CAMTA1: variants seen among roughly 807,000 people sequenced by gnomAD.
The protein encoded by CAMTA1 is calmodulin-binding transcription activator 1.
CAMTA1 carries 27 observed loss-of-function variants against 170.9 expected under a neutral mutation model. That is an observed-to-expected ratio of 0.16 (90% CI 0.12 to 0.22). The LOEUF is 0.22. CAMTA1 is among the 10% of genes least tolerant of loss of function. The pLI is 1.00. For synonymous variants in CAMTA1, 833 were observed against 891.5 expected, an observed-to-expected ratio of 0.93 and a Z score of 1.17; for missense variants, 1,619 against 2,217.2, an observed-to-expected ratio of 0.73 and a Z score of 5.42.
intron 3 of CAMTA1, among the ~76,000 whole-genome samples, chr1:6,979,120 G>A (rs570912890): frequency 1.2e-4 from 19 of 152,324 alleles, no homozygotes; most frequent in African/African-American, 4.1e-4. Flanking sequence ...GACAGCAGGG[G>A]AAGGAAAACG....
At chr1:7,069,508 G>T (rs1222514206) in intron 3 of CAMTA1, among the ~76,000 whole-genome samples, 3 of 152,190 alleles carry the variant, frequency 2.0e-5, no homozygotes, top group Non-Finnish European at 2.9e-5. Flanking sequence ...ATAAACACAC[G>T]AATTGAGCCA....
At chr1:7,488,650 T>C (rs752470966) in intron 6 of CAMTA1, among the ~76,000 whole-genome samples, 29 of 152,198 alleles carry the variant, frequency 1.9e-4, no homozygotes, top group Non-Finnish European at 3.2e-4. Context: ...TATAAGCACA[T>C]ATGTGCACAC....
chr1:7,098,086 T>C (rs1642281282), intron 4 of CAMTA1, among the ~76,000 whole-genome samples: 1 of 146,878 alleles, frequency 6.8e-6, no homozygotes, highest in Non-Finnish European at 1.5e-5. Flanking sequence ...CAGGATTGGC[T>C]GGGGTGGACG....
At chr1:7,176,665 G>T (rs1650905184) in intron 4 of CAMTA1, among the ~76,000 whole-genome samples, 1 of 152,142 alleles carries the variant, frequency 6.6e-6, no homozygotes, top group East Asian at 1.9e-4. Flanking sequence ...AGCACTCACG[G>T]GTTTCTACTC....
At chr1:7,116,641 C>T (rs1289033236) in intron 4 of CAMTA1, among the ~76,000 whole-genome samples, 1 of 148,804 alleles carries the variant, frequency 6.7e-6, no homozygotes, top group Non-Finnish European at 1.5e-5. Flanking sequence ...ACTTAGTTTT[C>T]TTTTCTTTCT....
intron 2 of CAMTA1, among the ~76,000 whole-genome samples, chr1:6,821,874 A>G (rs1364954026): frequency 1.3e-5 from 2 of 152,114 alleles, no homozygotes; most frequent in African/African-American, 4.8e-5. Context: ...ATTTTTTTGC[A>G]TATTGGAAAG....
chr1:7,063,446 G>T lies in CAMTA1; in HGVS notation c.235-27858G>T, dbSNP rs988480326. On this transcript the variant is annotated intron_variant, in intron 3 of 22. Transcript: ENST00000303635. The surrounding 1 kb of genome is among the most constrained non-coding windows in gnomAD (Gnocchi z 4.3). The stretch of plus-strand genomic sequence containing the variant: ...GGCATCTCTGGAGAGAATGTTCCAC[G>T]GAGCACACCTCGGGAAACACTAGTT... 7.9e-5 allele frequency among the ~76,000 whole-genome samples: 12 copies of T among 152,162 alleles called. No individual in the cohort carries two copies. The highest frequency in any genetic ancestry group is 2.9e-4 in the African/African-American group (12 of 41,424).
chr1:7,223,204 C>T (rs1447833334), intron 4 of CAMTA1, among the ~76,000 whole-genome samples: 7 of 131,486 alleles, frequency 5.3e-5, no homozygotes, highest in Non-Finnish European at 1.1e-4. Context: ...TTCATTCATC[C>T]AGTGATGTAC....
chr1:6,807,779 C>T (rs922012344), intron 1 of CAMTA1, among the ~76,000 whole-genome samples: 2 of 151,620 alleles, frequency 1.3e-5, no homozygotes, highest in African/African-American at 4.8e-5. Flanking sequence ...TTTAGAACTG[C>T]TTTAGTGGTA....
chr1:7,111,671 G>A (rs921964138), intron 4 of CAMTA1, among the ~76,000 whole-genome samples: 3 of 152,108 alleles, frequency 2.0e-5, no homozygotes, highest in African/African-American at 7.2e-5. Flanking sequence ...AGATCACGAG[G>A]TCAGGAGATC....
chr1:7,088,990 C>T (rs902881702), intron 3 of CAMTA1, among the ~76,000 whole-genome samples: 31 of 152,294 alleles, frequency 2.0e-4, no homozygotes, highest in African/African-American at 6.7e-4. Context: ...GGCGTGGGCA[C>T]GTGGTGCTGT....
chr1:7,667,989 AGC>A (rs2096016305), intron 9 of CAMTA1, among the ~76,000 whole-genome samples: 2 of 152,278 alleles, frequency 1.3e-5, no homozygotes, highest in African/African-American at 4.8e-5. Flanking sequence ...TCCACACCAC[AGC>A]AGGGGTGCCC....
chr1:6,788,189 C>T (rs1268026821), intron 1 of CAMTA1, among the ~76,000 whole-genome samples: 2 of 137,366 alleles, frequency 1.5e-5, no homozygotes, highest in Non-Finnish European at 3.1e-5. Context: ...CTCCCTTTCT[C>T]CCTCTTTCAC....
intron 7 of CAMTA1, among the ~76,000 whole-genome samples, chr1:7,654,641 CA>C (rs2095868720): frequency 7.9e-6 from 1 of 126,748 alleles, no homozygotes; most frequent in Non-Finnish European, 1.6e-5. Flanking sequence ...TATACACACA[CA>C]AGCACACACC....
intron 3 of CAMTA1, among the ~76,000 whole-genome samples, chr1:6,900,630 A>G (rs1676729688): frequency 6.6e-6 from 1 of 152,214 alleles, no homozygotes; most frequent in Admixed American, 6.5e-5. Flanking sequence ...TTGTATTTCT[A>G]TATATTAGCA....
At chr1:7,691,128 G>A (rs185964928) in intron 11 of CAMTA1, among the ~76,000 whole-genome samples, 55 of 152,294 alleles carry the variant, frequency 3.6e-4, no homozygotes, top group Non-Finnish European at 6.5e-4. Flanking sequence ...GTGACTTCTC[G>A]AGGAGGTCTG....
rs1678922032 is a variant in CAMTA1 at position 6,908,038 on chromosome 1, T to TC, written c.234+82829dup. ...TACTGGAGCCAGGCTGGCCATTTTT[T>TC]CTCCCTCAGACGTGCCAAGTAAGTT... On this transcript the variant is annotated intron_variant, in intron 3 of 22. Coordinates refer to ENST00000303635, the MANE Select transcript of CAMTA1 (RefSeq NM_015215.4). 2.0e-5 allele frequency among the ~76,000 whole-genome samples: 3 copies of TC among 152,136 alleles called. No homozygotes were observed. The South Asian group carries it at 6.2e-4, about 31-fold the overall frequency.
At chr1:7,696,897 A>G (rs1467201061) in intron 11 of CAMTA1, among the ~76,000 whole-genome samples, 11 of 152,180 alleles carry the variant, frequency 7.2e-5, no homozygotes, top group African/African-American at 2.2e-4. Context: ...GCTTAGAAGA[A>G]ACAGCCTGTA....
At chr1:7,220,180 G>C (rs1660489751) in intron 4 of CAMTA1, among the ~76,000 whole-genome samples, 2 of 152,192 alleles carry the variant, frequency 1.3e-5, no homozygotes, top group African/African-American at 4.8e-5. Flanking sequence ...GTGGCTTAGG[G>C]AATGCGCCAC....
Sources: allele counts gnomAD v4.1 joint callset (sites outside exome capture counted in the v4.1 genomes callset), GRCh38; gene constraint gnomAD v4.1.1; non-coding constraint Gnocchi (gnomAD v3.1); transcripts MANE v1.5; gene names NCBI Gene and HGNC (gene_info 2026-07-23, HGNC 2026-07-21).